The following RUSC2 variants were observed in gnomAD, a reference collection of about 807,000 sequenced individuals.
The protein encoded by RUSC2 is RUN and SH3 domain containing 2.
RUSC2 carries 34 observed loss-of-function variants against 122.2 expected under a neutral mutation model. The observed-to-expected ratio is 0.28, with a 90% confidence interval of 0.21 to 0.37. The LOEUF (loss-of-function observed/expected upper bound fraction) is 0.37. Ranked by LOEUF, RUSC2 falls within the 10% of genes least tolerant of loss-of-function variation. The pLI, the probability that RUSC2 is intolerant of heterozygous loss-of-function variation, is 1.00. For missense variants in RUSC2, 1,747 were observed against 1,952.4 expected (o/e 0.89, Z 1.98); for synonymous variants, 784 against 790.0 (o/e 0.99, Z 0.13).
rs1178108552 is a variant in RUSC2 at position 35,561,324 on chromosome 9, T to C, written c.4493T>C (p.Leu1498Pro). ...GGCCCCGACTCTGGCCTGGTGCCCC[T>C]GGCCTACGTGACATTGACCCCAACT... ...SRGPDSGLVP[L>P]AYVTLTPTPS... The change falls in exon 12 of 12, where the codon CTG (leucine) becomes CCG (proline). Residue 1498 changes from leucine (L) to proline (P), a missense_variant. By Grantham distance (98) the Leu-to-Pro change is moderately conservative. Coordinates refer to ENST00000361226, the MANE Select transcript of RUSC2 (RefSeq NM_014806.5). 1 of 1,614,000 alleles carries C rather than the reference T, an allele frequency of 6.2e-7. No homozygotes were observed. Among genetic ancestry groups the C allele is most frequent in the African/African-American group, 1.3e-5 (1 of 74,920 alleles).
intron 1 of RUSC2, among the ~76,000 whole-genome samples, chr9:35,503,734 G>A (rs757943759): frequency 1.8e-4 from 14 of 77,004 alleles, no homozygotes; most frequent in Non-Finnish European, 4.0e-4. Context: ...GTGTATAAGT[G>A]TTCCCTTTTC....
chr9:35,515,585 C>T (rs1394035406), intron 1 of RUSC2, among the ~76,000 whole-genome samples: 1 of 152,158 alleles, frequency 6.6e-6, no homozygotes, highest in Admixed American at 6.5e-5. Flanking sequence ...GCAAGCCCAA[C>T]TTCTCTACTT....
intron 1 of RUSC2, among the ~76,000 whole-genome samples, chr9:35,533,932 A>G (rs1222356193): frequency 6.6e-6 from 1 of 152,176 alleles, no homozygotes; most frequent in African/African-American, 2.4e-5. Context: ...ACTCATATAC[A>G]AGCTTCTGTG....
rs1564262372 is a variant in RUSC2 at position 35,546,176 on chromosome 9, G to C, written c.-92-254G>C. Among the ~76,000 whole-genome samples the C allele has an allele frequency of 1.3e-5, 2 of 152,164 alleles. No homozygotes were observed. Among genetic ancestry groups the C allele is most frequent in the Admixed American group, 1.3e-4 (2 of 15,282 alleles). Reference sequence around the variant, plus strand: ...CAAACCTTCATATGTGGCATTAGAAGGACTTGGCCTTTTGTCATAATTTGA... The same window carrying C: ...CAAACCTTCATATGTGGCATTAGAACGACTTGGCCTTTTGTCATAATTTGA... On this transcript the variant is annotated intron_variant, in intron 1 of 11. Transcript: ENST00000361226. This position sits in a 1 kb window ranked among gnomAD's most constrained non-coding sequence, Gnocchi z 4.3.
intron 1 of RUSC2, among the ~76,000 whole-genome samples, chr9:35,515,410 T>A (rs1821084773): frequency 2.0e-5 from 3 of 151,634 alleles, no homozygotes; most frequent in Admixed American, 2.0e-4. Flanking sequence ...TTGCTGCTAT[T>A]TTTTTTTTCA....
intron 1 of RUSC2, among the ~76,000 whole-genome samples, chr9:35,529,835 T>G (rs1437118741): frequency 6.6e-6 from 1 of 152,188 alleles, no homozygotes; most frequent in Non-Finnish European, 1.5e-5. Context: ...CTTTCAGTTT[T>G]TCTTCTTCCT....
In RUSC2 at chr9:35,547,012, G is replaced by C. The variant is rs201913303; in HGVS notation, c.491G>C (p.Ser164Thr). 8.7e-6 allele frequency: 14 copies of C among 1,606,046 alleles called. No individual in the cohort carries two copies. In the East Asian group the frequency reaches 1.6e-4, roughly 18 times the overall value. Residue 164 changes from serine to threonine, a missense_variant, in exon 2 of 12, where the codon AGT (serine) becomes ACT (threonine). Coordinates refer to ENST00000361226, the MANE Select transcript of RUSC2 (RefSeq NM_014806.5). This position sits in a 1 kb window ranked among gnomAD's most constrained non-coding sequence, Gnocchi z 4.6. ...GGCAGGCCATGGGGGACAACACGCA[G>C]TCGGGCTGGAGTGGTGGAAGGGCAG... The part of the protein sequence containing the change: ...RVGRPWGTTR[S>T]RAGVVEGQEQ...
chr9:35,524,697 T>C (rs1251872673), intron 1 of RUSC2, among the ~76,000 whole-genome samples: 5 of 152,052 alleles, frequency 3.3e-5, no homozygotes, highest in East Asian at 1.9e-4. Flanking sequence ...CCAGGCCGGG[T>C]GCAGTGGCTC....
chr9:35,525,627 C>T (rs998229490), intron 1 of RUSC2, among the ~76,000 whole-genome samples: 4 of 152,068 alleles, frequency 2.6e-5, no homozygotes, highest in Non-Finnish European at 5.9e-5. Flanking sequence ...GGCAAAACCC[C>T]GTCTCTACTA....
At chr9:35,494,235 G>A (rs904096290) in intron 1 of RUSC2, among the ~76,000 whole-genome samples, 4 of 152,014 alleles carry the variant, frequency 2.6e-5, no homozygotes, top group Non-Finnish European at 5.9e-5. Flanking sequence ...GGAGGCCGAG[G>A]CGGGCGGATC....
rs771689916 is a variant in RUSC2, at chr9:35,558,241, G to T, written c.3105G>T (p.Leu1035=). 1 of 1,614,048 alleles carries T rather than the reference G, an allele frequency of 6.2e-7. No homozygotes were observed. Among genetic ancestry groups the T allele is most frequent in the Non-Finnish European group, 8.5e-7 (1 of 1,180,016 alleles). ...NSSVSPNVGH[L]VLKYLCPAVR... ...CTGTGAGCCCCAATGTGGGCCACCT[G>T]GTTCTGAAGTACTTGTGCCCTGCCG... The change falls in exon 7 of 12, where the codon CTG becomes CTT. Residue 1035 remains leucine (L), a synonymous_variant. Coordinates refer to ENST00000361226, the MANE Select transcript of RUSC2 (RefSeq NM_014806.5). The surrounding 1 kb of genome is among the most constrained non-coding windows in gnomAD (Gnocchi z 4.3).
intron 1 of RUSC2, chr9:35,507,872 C>A: frequency 4.7e-6 from 1 of 210,970 alleles, no homozygotes; most frequent in South Asian, 8.3e-5. Context: ...CCAAGTGATC[C>A]AGTTTTAAGT....
Position 35,557,839 on chromosome 9 carries a change from A to T in RUSC2, c.2984-75A>T. 7.9e-7 allele frequency: 1 copy of T among 1,269,362 alleles called. No homozygotes were observed. The highest frequency in any genetic ancestry group is 1.2e-6 in the Non-Finnish European group (1 of 865,806). The allele number at this position is 1,269,362 out of a possible 1,614,324, so 78.6% of individuals were successfully genotyped here. A position where few individuals can be genotyped will look rare whatever the true frequency, so the allele number is the denominator to read the frequency against. ...GTGTGGGAGCCCTTTCCCTGAGGAA[A>T]CCTGAGGTTTCAGCCCCAGCTGAGT... On this transcript the variant is annotated intron_variant, in intron 5 of 11. Coordinates refer to ENST00000361226, the MANE Select transcript of RUSC2 (RefSeq NM_014806.5). The surrounding 1 kb of genome is among the most constrained non-coding windows in gnomAD (Gnocchi z 4.6).
intron 1 of RUSC2, among the ~76,000 whole-genome samples, chr9:35,491,198 G>A (rs1262070860): frequency 1.3e-5 from 2 of 152,156 alleles, no homozygotes; most frequent in African/African-American, 2.4e-5. Context: ...TTTCCTGGGG[G>A]TTTGGGTTCC....
chr9:35,555,656 G>A lies in RUSC2; in HGVS notation c.2611G>A (p.Ala871Thr). The A allele has an allele frequency of 6.2e-7, 1 of 1,606,364 alleles. No homozygotes were observed. Among genetic ancestry groups the A allele is most frequent in the Non-Finnish European group, 8.5e-7 (1 of 1,179,622 alleles). ...RSGLSRAESLARGGGEGSMAT... is the reference protein window; with the variant it reads ...RSGLSRAESLTRGGGEGSMAT... The stretch of plus-strand genomic sequence containing the variant: ...TGGCCTCAGCCGAGCAGAGAGCCTG[G>A]CCCGGGGAGGTGGTGAGGGCAGCAT... The change falls in exon 3 of 12, where the codon GCC (alanine) becomes ACC (threonine). Residue 871 changes from alanine to threonine, a missense_variant. Transcript: ENST00000361226. The surrounding 1 kb of genome is among the most constrained non-coding windows in gnomAD (Gnocchi z 4.6).
rs780597171 is a variant in RUSC2 at position 35,546,944 on chromosome 9, T to C, written c.423T>C (p.Phe141=). 1 of 1,572,946 alleles carries C rather than the reference T, an allele frequency of 6.4e-7. No individual in the cohort carries two copies. ...TGCATGGCACTGGCCAGCCCAACTT[T>C]CATCTATCCTCTTTCCAGCTGCCAC... is the stretch of plus-strand genomic sequence containing the variant. ...FHLHGTGQPN[F]HLSSFQLPPS... is the part of the protein sequence containing the mutation. The change falls in exon 2 of 12, where the codon TTT becomes TTC. Residue 141 remains phenylalanine, a synonymous_variant. Coordinates refer to ENST00000361226, the MANE Select transcript of RUSC2 (RefSeq NM_014806.5). This position sits in a 1 kb window ranked among gnomAD's most constrained non-coding sequence, Gnocchi z 4.3.
At chr9:35,516,777 G>T (rs1027945530) in intron 1 of RUSC2, among the ~76,000 whole-genome samples, 4 of 152,176 alleles carry the variant, frequency 2.6e-5, no homozygotes, top group Admixed American at 6.5e-5. Context: ...TTAAGGTCTA[G>T]AGTAGGAGTC....
chr9:35,501,531 C>T (rs966350043), intron 1 of RUSC2, among the ~76,000 whole-genome samples: 7 of 152,176 alleles, frequency 4.6e-5, no homozygotes, highest in Non-Finnish European at 7.4e-5. Flanking sequence ...GAGCCAAGAT[C>T]GTGCCACTGA....
chr9:35,558,055 C>G lies in RUSC2; in HGVS notation c.3060+65C>G. The G allele has an allele frequency of 6.3e-7, 1 of 1,582,644 alleles. No homozygotes were observed. The highest frequency in any genetic ancestry group is 8.7e-7 in the Non-Finnish European group (1 of 1,152,040). The stretch of plus-strand genomic sequence containing the variant: ...GCCCTCACCTGTCCCGCGCTACCAC[C>G]TTCCCTTGCTGTCTTGCATTTAGAG... On this transcript the variant is annotated intron_variant, in intron 6 of 11. Coordinates refer to ENST00000361226, the MANE Select transcript of RUSC2 (RefSeq NM_014806.5). The surrounding 1 kb of genome is among the most constrained non-coding windows in gnomAD (Gnocchi z 4.3).
Sources: allele counts gnomAD v4.1 joint callset (sites outside exome capture counted in the v4.1 genomes callset), GRCh38; gene constraint gnomAD v4.1.1; non-coding constraint Gnocchi (gnomAD v3.1); transcripts MANE v1.5; gene names NCBI Gene and HGNC (gene_info 2026-07-23, HGNC 2026-07-21).